Variants in DNAJC10 observed in about 807,000 individuals in gnomAD.
DNAJC10 encodes the protein DnaJ heat shock protein family (Hsp40) member C10, also known as endoplasmic reticulum disulfide reductase DNAJC10.
In DNAJC10, 101 loss-of-function variants were observed where a neutral mutation model predicts 115.0. The ratio of observed to expected loss-of-function variants is 0.88; its 90% CI spans 0.75 to 1.04. DNAJC10 has a LOEUF of 1.04. Among genes scored for constraint, DNAJC10 ranks in the 50% least tolerant of loss-of-function variants. The probability of loss-of-function intolerance (pLI) is 0.00; values close to 1 mark genes in which losing one functional copy is unlikely to be tolerated. For synonymous variants in DNAJC10, 307 were observed against 301.5 expected (o/e 1.02, Z -0.19); for missense variants, 981 against 928.8 (o/e 1.06, Z -0.73).
intron 13 of DNAJC10, among the ~76,000 whole-genome samples, chr2:182,742,596 G>A (rs996900780): frequency 2.6e-5 from 4 of 152,162 alleles, no homozygotes; most frequent in African/African-American, 7.2e-5. Flanking sequence ...CTGACAGCAC[G>A]TGAGTGGCCA....
chr2:182,750,540 A>C (rs1390723179), intron 14 of DNAJC10, among the ~76,000 whole-genome samples: 1 of 152,194 alleles, frequency 6.6e-6, no homozygotes, highest in Admixed American at 6.5e-5. Context: ...TGTCAACGAC[A>C]GAGACGTCTT....
At chr2:182,774,311 T>TGCCC (rs1694646462) in intron 22 of DNAJC10, among the ~76,000 whole-genome samples, 1 of 152,194 alleles carries the variant, frequency 6.6e-6, no homozygotes, top group Admixed American at 6.5e-5. Flanking sequence ...GATCAGGGAC[T>TGCCC]CACTTGAAGA....
chr2:182,737,174 T>C (rs1264088959), intron 11 of DNAJC10, among the ~76,000 whole-genome samples: 1 of 152,222 alleles, frequency 6.6e-6, no homozygotes, highest in Non-Finnish European at 1.5e-5. Context: ...TGTAATGTGG[T>C]ATACCTCCTT....
chr2:182,755,867 T>C (rs944847613), intron 17 of DNAJC10, among the ~76,000 whole-genome samples: 8 of 152,206 alleles, frequency 5.3e-5, no homozygotes, highest in Non-Finnish European at 1.0e-4. Flanking sequence ...AAACTTAAAG[T>C]TGCCTCTTTG....
At position 182,732,483 on chromosome 2, in the gene DNAJC10, G is replaced by T; in HGVS notation, c.806-16G>T. ...AATAAAGGTAAAACTGCCTCATAAG[G>T]TTTTTTTGTCCCCAGATTGTTTGAC... On this transcript the variant is annotated splice_polypyrimidine_tract_variant and intron_variant, in intron 9 of 23. Coordinates refer to ENST00000264065, the MANE Select transcript of DNAJC10 (RefSeq NM_018981.4). 1 of 1,613,008 alleles carries T rather than the reference G, an allele frequency of 6.2e-7. No individual in the cohort carries two copies. The highest frequency in any genetic ancestry group is 8.5e-7 in the Non-Finnish European group (1 of 1,179,256).
At chr2:182,769,623 T>C (rs865963261) in intron 22 of DNAJC10, among the ~76,000 whole-genome samples, 10 of 152,264 alleles carry the variant, frequency 6.6e-5, no homozygotes, top group African/African-American at 1.9e-4. Flanking sequence ...ATAGATGTCT[T>C]CTTTTGAGAA....
intron 16 of DNAJC10, chr2:182,752,430 A>T (rs998354896): frequency 2.9e-6 from 1 of 348,756 alleles, no homozygotes; most frequent in East Asian, 6.6e-5. Flanking sequence ...TCAGGCAACT[A>T]TTTTCATTAA....
At chr2:182,753,899 T>C (rs1261418635) in intron 16 of DNAJC10, among the ~76,000 whole-genome samples, 1 of 152,128 alleles carries the variant, frequency 6.6e-6, no homozygotes, top group African/African-American at 2.4e-5. Flanking sequence ...TTAGTTTTTC[T>C]ACTTTTCATC....
intron 14 of DNAJC10, among the ~76,000 whole-genome samples, chr2:182,751,137 T>C (rs1279113238): frequency 7.8e-6 from 1 of 128,908 alleles, no homozygotes; most frequent in Non-Finnish European, 1.6e-5. Context: ...TGACTTTTTT[T>C]TTTTTTTTTT....
intron 22 of DNAJC10, among the ~76,000 whole-genome samples, chr2:182,767,131 A>T (rs1438937712): frequency 1.3e-5 from 2 of 152,112 alleles, no homozygotes; most frequent in Non-Finnish European, 2.9e-5. Flanking sequence ...TCTCCCTTTA[A>T]ATCTTCCAAA....
intron 21 of DNAJC10, among the ~76,000 whole-genome samples, chr2:182,760,946 TTTAG>T (rs1333274118): frequency 6.6e-6 from 1 of 152,200 alleles, no homozygotes; most frequent in Non-Finnish European, 1.5e-5. Flanking sequence ...TACTAAAAAC[TTTAG>T]TTATAAACTT....
chr2:182,777,217 T>C lies in DNAJC10; in HGVS notation c.*85T>C. On this transcript the variant is annotated 3_prime_UTR_variant, in exon 24 of 24. Transcript: ENST00000264065. ...CCTATTTAGAATGTTACATTTATGA[T>C]GGGAATGAATGAACATTATCTTAGA... 1 of 793,426 alleles carries C rather than the reference T, an allele frequency of 1.3e-6. No homozygotes were observed. Among genetic ancestry groups the C allele is most frequent in the Non-Finnish European group, 1.9e-6 (1 of 534,600 alleles). The allele number at this position is 793,426 out of a possible 1,614,324, so 49.1% of individuals were successfully genotyped here. A position where few individuals can be genotyped will look rare whatever the true frequency, so the allele number is the denominator to read the frequency against.
At chr2:182,734,205 G>T (rs1693527431) in intron 10 of DNAJC10, among the ~76,000 whole-genome samples, 1 of 149,764 alleles carries the variant, frequency 6.7e-6, no homozygotes, top group Admixed American at 6.7e-5. Context: ...TTGATCTTAG[G>T]CTTTCCTTTC....
At chr2:182,754,361 A>C (rs1310567925) in intron 16 of DNAJC10, among the ~76,000 whole-genome samples, 1 of 152,208 alleles carries the variant, frequency 6.6e-6, no homozygotes, top group Non-Finnish European at 1.5e-5. Flanking sequence ...AAATCCACAG[A>C]CAAGGATCTC....
At chr2:182,775,531 A>G in intron 23 of DNAJC10, 111 bp downstream of exon 23, 1 of 590,884 alleles carries the variant, frequency 1.7e-6, no homozygotes, top group East Asian at 2.8e-5. Context: ...GCATCAAAAA[A>G]TAGTAAGATA....
rs961319956 is a variant in DNAJC10 at position 182,783,720 on chromosome 2, TTA to T, written c.*6596_*6597del. On this transcript the variant is annotated 3_prime_UTR_variant, in exon 24 of 24. Coordinates refer to ENST00000264065, the MANE Select transcript of DNAJC10 (RefSeq NM_018981.4). ...AAATGTTTAATGATTTTAAACATGT[TTA>T]TATATATTTTTCAGACTTGGAACAG... The T allele has an allele frequency of 1.3e-5, 2 of 152,114 alleles. No homozygotes were observed. The highest frequency in any genetic ancestry group is 2.9e-5 in the Non-Finnish European group (2 of 68,014). 9.4% of individuals were successfully genotyped at this position (152,114 alleles called of 1,614,324 possible).
chr2:182,751,519 A>G, intron 14 of DNAJC10, 139 bp from the exon 15 acceptor site: 1 of 907,174 alleles, frequency 1.1e-6, no homozygotes, highest in Non-Finnish European at 1.7e-6. Context: ...TGTATAGTAT[A>G]CAGCACACTA....
At chr2:182,770,399 T>G (rs1404319450) in intron 22 of DNAJC10, among the ~76,000 whole-genome samples, 2 of 152,180 alleles carry the variant, frequency 1.3e-5, no homozygotes, top group African/African-American at 4.8e-5. Context: ...TATAAATTAC[T>G]TTGGGCAGTA....
Position 182,739,438 on chromosome 2 carries a change from G to T in DNAJC10, c.988-861G>T, listed in dbSNP as rs531228195. Reference sequence around the variant, plus strand: ...AGATCTTTCAAGTAATACTTAAACTGTTAAACATAGATGGTTCATAATTAA... The same window carrying T: ...AGATCTTTCAAGTAATACTTAAACTTTTAAACATAGATGGTTCATAATTAA... On this transcript the variant is annotated intron_variant, in intron 11 of 23. Transcript: ENST00000264065. 29 of 809,934 alleles carry T rather than the reference G, an allele frequency of 3.6e-5. No individual in the cohort carries two copies. The Admixed American group carries it at 6.8e-4, about 19-fold the overall frequency. The allele number at this position is 809,934 out of a possible 1,614,324, so 50.2% of individuals were successfully genotyped here.
Sources: gnomAD v4.1 joint callset for allele counts (sites outside exome capture counted in the v4.1 genomes callset) on GRCh38, gnomAD v4.1.1 for gene constraint, MANE v1.5 for transcripts, NCBI Gene and HGNC (gene_info 2026-07-23, HGNC 2026-07-21) for gene names.